SDK1: variants seen among roughly 807,000 people sequenced by gnomAD.
The protein encoded by SDK1 is sidekick cell adhesion molecule 1, also known as protein sidekick-1.
Under a neutral mutation model 245.5 loss-of-function variants are expected in SDK1, and 157 were observed. That is an observed-to-expected ratio of 0.64 (90% CI 0.56 to 0.73). The LOEUF is 0.73. SDK1 is among the 30% of genes least tolerant of loss of function. The probability of loss-of-function intolerance (pLI) is 0.00; values close to 1 mark genes in which losing one functional copy is unlikely to be tolerated. For missense variants in SDK1, 3,583 were observed against 3,002.3 expected, an observed-to-expected ratio of 1.19 and a Z score of -4.52; for synonymous variants, 1,647 against 1,278.5, an observed-to-expected ratio of 1.29 and a Z score of -6.15.
At chr7:3,559,380 G>C (rs1645527119) in intron 1 of SDK1, among the ~76,000 whole-genome samples, 3 of 152,116 alleles carry the variant, frequency 2.0e-5, no homozygotes, top group African/African-American at 7.2e-5. Flanking sequence ...GACCTTTGTG[G>C]ACTCTGCTTG....
At chr7:3,446,627 G>A (rs536856498) in intron 1 of SDK1, among the ~76,000 whole-genome samples, 1 of 152,200 alleles carries the variant, frequency 6.6e-6, no homozygotes, top group South Asian at 2.1e-4. Context: ...TTCTCACCGT[G>A]CATTATAAAA....
At chr7:3,438,999 C>A (rs1274824825) in intron 1 of SDK1, among the ~76,000 whole-genome samples, 2 of 151,786 alleles carry the variant, frequency 1.3e-5, no homozygotes, top group African/African-American at 2.4e-5. Context: ...ATTACTGTTG[C>A]CTGCTACCAC....
intron 1 of SDK1, among the ~76,000 whole-genome samples, chr7:3,428,933 C>T (rs1441771268): frequency 6.6e-6 from 1 of 152,192 alleles, no homozygotes; most frequent in Non-Finnish European, 1.5e-5. Flanking sequence ...GATGAGAGAT[C>T]AGCAGCAGTG....
In SDK1 at chr7:4,113,293, C is replaced by T. The variant is rs750313949; in HGVS notation, c.3439C>T (p.Arg1147Ter). The T allele has an allele frequency of 9.3e-6, 15 of 1,611,526 alleles. No individual in the cohort carries two copies. Among genetic ancestry groups the T allele is most frequent in the Admixed American group, 3.4e-5 (2 of 59,586 alleles). Residue 1147 changes from arginine (R) to a stop codon, truncating the protein, a stop_gained, in exon 24 of 45, where the codon CGA (arginine) becomes TGA (stop). Coordinates refer to ENST00000404826, the MANE Select transcript of SDK1 (RefSeq NM_152744.4). LOFTEE classifies it high-confidence loss of function. ...NLTPYTHYRF[R>*]MKQVNIVGPS... Reference sequence around the variant, plus strand: ...CATCAGTGGTTTTTCCTTTAGATTTCGAATGAAGCAAGTGAACATTGTTGG... The same window carrying T: ...CATCAGTGGTTTTTCCTTTAGATTTTGAATGAAGCAAGTGAACATTGTTGG...
At chr7:3,593,662 C>G (rs1780960793) in intron 1 of SDK1, among the ~76,000 whole-genome samples, 2 of 152,176 alleles carry the variant, frequency 1.3e-5, no homozygotes, top group South Asian at 4.1e-4. Flanking sequence ...CTTCAATCAA[C>G]TGATGGATGA....
intron 1 of SDK1, among the ~76,000 whole-genome samples, chr7:3,550,616 T>C (rs1476067840): frequency 6.6e-6 from 1 of 152,236 alleles, no homozygotes; most frequent in Non-Finnish European, 1.5e-5. Context: ...TTAGAGCATG[T>C]AGAACAAATC....
chr7:3,951,103 G>A (rs1433771172), intron 6 of SDK1, 69 bp downstream of exon 6: 4 of 1,151,962 alleles, frequency 3.5e-6, no homozygotes, highest in Non-Finnish European at 3.9e-6. Flanking sequence ...GACGATAGAA[G>A]GATACACTGG....
At chr7:3,586,496 G>C (rs1365948078) in intron 1 of SDK1, among the ~76,000 whole-genome samples, 1 of 150,790 alleles carries the variant, frequency 6.6e-6, no homozygotes, top group Non-Finnish European at 1.5e-5. Context: ...AGGAGATCGA[G>C]ACCATCCTGG....
chr7:3,401,814 C>T (rs1336005211), intron 1 of SDK1, among the ~76,000 whole-genome samples: 1 of 151,978 alleles, frequency 6.6e-6, no homozygotes, highest in Non-Finnish European at 1.5e-5. Context: ...TGAATCTTGG[C>T]CAAAATGAGC....
At chr7:3,848,735 G>T (rs1157319895) in intron 5 of SDK1, among the ~76,000 whole-genome samples, 1 of 151,596 alleles carries the variant, frequency 6.6e-6, no homozygotes, top group African/African-American at 2.4e-5. Context: ...GCAGTGGCGC[G>T]ATCACGGCTC....
intron 5 of SDK1, among the ~76,000 whole-genome samples, chr7:3,869,074 T>C (rs192025668): frequency 1.5e-4 from 23 of 152,252 alleles, no homozygotes; most frequent in African/African-American, 4.8e-4. Flanking sequence ...TGCAAAGCGT[T>C]GTCAATTGAA....
intron 1 of SDK1, among the ~76,000 whole-genome samples, chr7:3,475,099 A>G (rs76216986): frequency 0.022 from 3,331 of 152,218 alleles, 134 homozygotes; most frequent in African/African-American, 0.075. Flanking sequence ...TTTAATCATG[A>G]TATCCTCTTG....
intron 1 of SDK1, among the ~76,000 whole-genome samples, chr7:3,591,692 T>C (rs1294607976): frequency 1.3e-5 from 2 of 152,244 alleles, no homozygotes; most frequent in African/African-American, 2.4e-5. Context: ...CCATGGCCGC[T>C]GGAAGCTATT....
intron 1 of SDK1, among the ~76,000 whole-genome samples, chr7:3,329,753 T>A (rs1165585122): frequency 6.6e-6 from 1 of 152,212 alleles, no homozygotes. Context: ...AACCACAGAT[T>A]AAGAATACTT....
chr7:3,787,531 C>T (rs942614325), intron 4 of SDK1, among the ~76,000 whole-genome samples: 2 of 151,648 alleles, frequency 1.3e-5, no homozygotes, highest in East Asian at 1.9e-4. Context: ...AAACTAATGG[C>T]ATTGGTTAAA....
chr7:4,006,873 A>C (rs1045930841), intron 14 of SDK1, among the ~76,000 whole-genome samples: 1 of 152,230 alleles, frequency 6.6e-6, no homozygotes, highest in Non-Finnish European at 1.5e-5. Flanking sequence ...CGGAGTGAAC[A>C]AACAGCCAGG....
chr7:4,144,875 GC>G (rs1251237864), intron 28 of SDK1, among the ~76,000 whole-genome samples: 1 of 152,122 alleles, frequency 6.6e-6, no homozygotes, highest in Non-Finnish European at 1.5e-5. Context: ...AAGCCACAGC[GC>G]CCCGTCATTT....
chr7:3,581,980 G>A (rs903068992), intron 1 of SDK1, among the ~76,000 whole-genome samples: 1 of 152,200 alleles, frequency 6.6e-6, no homozygotes, highest in Admixed American at 6.5e-5. Flanking sequence ...CAGACACCGG[G>A]GCCTACTTGA....
chr7:3,539,222 G>A (rs563635395), intron 1 of SDK1, among the ~76,000 whole-genome samples: 5 of 152,280 alleles, frequency 3.3e-5, no homozygotes, highest in African/African-American at 1.2e-4. Flanking sequence ...GACCTATCAA[G>A]GAGTTGGAGC....
Sources: gnomAD v4.1 joint callset for allele counts (sites outside exome capture counted in the v4.1 genomes callset) on GRCh38, gnomAD v4.1.1 for gene constraint, MANE v1.5 for transcripts, NCBI Gene and HGNC (gene_info 2026-07-23, HGNC 2026-07-21) for gene names.